GALNT13: variants seen among roughly 807,000 people sequenced by gnomAD.
The protein encoded by GALNT13 is polypeptide N-acetylgalactosaminyltransferase 13, also known as UDP-GalNAc:polypeptide N-acetylgalactosaminyltransferase 13.
GALNT13 carries 28 observed loss-of-function variants against 64.2 expected under a neutral mutation model. The ratio of observed to expected loss-of-function variants is 0.44; its 90% CI spans 0.32 to 0.60. The LOEUF (loss-of-function observed/expected upper bound fraction) is 0.60. Among genes scored for constraint, GALNT13 ranks in the 20% least tolerant of loss-of-function variants. GALNT13 has a pLI of 0.05. For missense variants in GALNT13, 577 were observed against 669.8 expected, an observed-to-expected ratio of 0.86 and a Z score of 1.53; for synonymous variants, 214 against 224.6, an observed-to-expected ratio of 0.95 and a Z score of 0.42.
At chr2:153,725,840 CCT>C in the GALNT13 span, among the ~76,000 whole-genome samples, 28 of 127,700 alleles carry the variant, frequency 2.2e-4, no homozygotes, top group Admixed American at 7.1e-4. Flanking sequence ...ATCTTTTCCC[CCT>C]CTTTGTGAAA....
the GALNT13 span, among the ~76,000 whole-genome samples, chr2:153,405,435 A>G: frequency 2.6e-5 from 4 of 152,314 alleles, no homozygotes; most frequent in African/African-American, 7.2e-5. Context: ...TAGGTAACCT[A>G]TAACACTTTG....
chr2:153,885,624 C>T (rs1022614231), intron 1 of GALNT13, among the ~76,000 whole-genome samples: 1 of 152,024 alleles, frequency 6.6e-6, no homozygotes, highest in Admixed American at 6.6e-5. Context: ...TTATAGTTCT[C>T]TCTGTTTTTA....
At chr2:153,788,115 T>C in the GALNT13 span, among the ~76,000 whole-genome samples, 1 of 151,982 alleles carries the variant, frequency 6.6e-6, no homozygotes, top group East Asian at 1.9e-4. Context: ...CATTCAAAAA[T>C]AGATCATCCT....
the GALNT13 span, among the ~76,000 whole-genome samples, chr2:153,548,573 G>A: frequency 6.6e-6 from 1 of 152,134 alleles, no homozygotes; most frequent in African/African-American, 2.4e-5. Context: ...TTAGACTACA[G>A]TGATGACTTT....
the GALNT13 span, among the ~76,000 whole-genome samples, chr2:153,693,398 T>A: frequency 1.4e-4 from 22 of 152,278 alleles, no homozygotes; most frequent in African/African-American, 5.3e-4. Context: ...TCTTATCAAA[T>A]CATAAAATTA....
the GALNT13 span, among the ~76,000 whole-genome samples, chr2:153,094,166 AT>A: frequency 6.6e-6 from 1 of 151,574 alleles, no homozygotes; most frequent in South Asian, 2.1e-4. Context: ...TTCTGACTTT[AT>A]TTTTTTCATA....
At chr2:153,190,967 T>G in the GALNT13 span, among the ~76,000 whole-genome samples, 1 of 151,100 alleles carries the variant, frequency 6.6e-6, no homozygotes, top group Admixed American at 6.6e-5. Context: ...ATCTAAGAGG[T>G]TTTTTTAAGG....
the GALNT13 span, among the ~76,000 whole-genome samples, chr2:153,716,514 G>A: frequency 4.9e-4 from 75 of 152,044 alleles, no homozygotes; most frequent in Non-Finnish European, 9.3e-4. Context: ...AGCAGCCAAG[G>A]CAGCTAGTAA....
intron 3 of GALNT13, among the ~76,000 whole-genome samples, chr2:153,971,456 G>T (rs1276452154): frequency 6.6e-6 from 1 of 152,102 alleles, no homozygotes; most frequent in Non-Finnish European, 1.5e-5. Context: ...TCAGATATGT[G>T]AATGAGGGAA....
the GALNT13 span, among the ~76,000 whole-genome samples, chr2:153,705,234 T>C: frequency 6.6e-6 from 1 of 152,154 alleles, no homozygotes; most frequent in Admixed American, 6.5e-5. Flanking sequence ...CTGACTAGTC[T>C]TGAGTAAGTC....
chr2:154,130,795 A>G (rs1682566523), intron 3 of GALNT13, among the ~76,000 whole-genome samples: 1 of 152,228 alleles, frequency 6.6e-6, no homozygotes, highest in Non-Finnish European at 1.5e-5. Flanking sequence ...TGATGAATCC[A>G]GCATGCTGCT....
chr2:153,627,687 G>T, the GALNT13 span, among the ~76,000 whole-genome samples: 5 of 152,046 alleles, frequency 3.3e-5, no homozygotes, highest in African/African-American at 1.2e-4. Flanking sequence ...AGGCCATTGT[G>T]CAGCCATGTT....
the GALNT13 span, among the ~76,000 whole-genome samples, chr2:153,861,434 T>TGAATG: frequency 6.6e-6 from 1 of 152,214 alleles, no homozygotes; most frequent in East Asian, 1.9e-4. Flanking sequence ...GACAACTTTG[T>TGAATG]GTAGACTGGT....
the GALNT13 span, among the ~76,000 whole-genome samples, chr2:153,384,807 T>A: frequency 6.6e-6 from 1 of 152,018 alleles, no homozygotes; most frequent in Non-Finnish European, 1.5e-5. Flanking sequence ...TTTTTTCAAA[T>A]TAATTCAAAA....
chr2:153,876,201 C>CTACA (rs1491033240), intron 1 of GALNT13, among the ~76,000 whole-genome samples: 1 of 108,584 alleles, frequency 9.2e-6, no homozygotes, highest in Non-Finnish European at 1.9e-5. Flanking sequence ...CCCCCCCACA[C>CTACA]TACACACACA....
At chr2:153,685,730 A>ATCGT in the GALNT13 span, among the ~76,000 whole-genome samples, 1 of 151,920 alleles carries the variant, frequency 6.6e-6, no homozygotes, top group Non-Finnish European at 1.5e-5. Flanking sequence ...TCATCAGGAT[A>ATCGT]TCGTTGCCCG....
At chr2:153,240,750 A>G in the GALNT13 span, among the ~76,000 whole-genome samples, 1 of 152,058 alleles carries the variant, frequency 6.6e-6, no homozygotes, top group Non-Finnish European at 1.5e-5. Flanking sequence ...TAGTCCAGTC[A>G]TGGAGTGTCT....
chr2:154,189,062 T>A (rs1461597398), intron 4 of GALNT13, among the ~76,000 whole-genome samples: 2 of 152,140 alleles, frequency 1.3e-5, no homozygotes, highest in African/African-American at 4.8e-5. Flanking sequence ...ATTAGGTGAT[T>A]TAAGGAAAAC....
At chr2:154,092,429 C>G (rs950163613) in intron 3 of GALNT13, among the ~76,000 whole-genome samples, 6 of 151,850 alleles carry the variant, frequency 4.0e-5, no homozygotes, top group African/African-American at 1.5e-4. Context: ...TGCAAAATGC[C>G]TGTTATAATA....
Sources: gnomAD v4.1 joint callset for allele counts (sites outside exome capture counted in the v4.1 genomes callset) on GRCh38, gnomAD v4.1.1 for gene constraint, MANE v1.5 for transcripts, NCBI Gene and HGNC (gene_info 2026-07-23, HGNC 2026-07-21) for gene names.